HTR4: variants seen among roughly 807,000 people sequenced by gnomAD.
The protein encoded by HTR4 is 5-hydroxytryptamine receptor 4.
A neutral mutation model predicts 36.8 loss-of-function variants in HTR4; 16 were observed. That is an observed-to-expected ratio of 0.43 (90% CI 0.29 to 0.66). The LOEUF (loss-of-function observed/expected upper bound fraction) is 0.66. HTR4 is among the 30% of genes least tolerant of loss of function. The pLI is 0.13. For missense variants in HTR4, 438 were observed against 490.9 expected (o/e 0.89, Z 1.02); for synonymous variants, 189 against 185.1 (o/e 1.02, Z -0.17).
At chr5:148,608,840 G>T (rs1160410169) in intron 2 of HTR4, among the ~76,000 whole-genome samples, 2 of 152,168 alleles carry the variant, frequency 1.3e-5, no homozygotes, top group Non-Finnish European at 2.9e-5. Context: ...AGATGTAAAA[G>T]AATTTCAGAG....
Position 148,482,796 on chromosome 5 carries a change from G to C in HTR4, c.*407C>G, listed in dbSNP as rs1755949761. The C allele has an allele frequency of 9.5e-7, 1 of 1,048,662 alleles. No individual in the cohort carries two copies. The highest frequency in any genetic ancestry group is 1.7e-5 in the African/African-American group (1 of 60,596). The allele number at this position is 1,048,662 out of a possible 1,614,324, so 65.0% of individuals were successfully genotyped here. ...AGGAACAGAGAGGGAGTATTTTGTTGATATCTGGAAGCCCACACAGCAAAG... is the reference window on the plus strand; with the variant it reads ...AGGAACAGAGAGGGAGTATTTTGTTCATATCTGGAAGCCCACACAGCAAAG... On this transcript the variant is annotated 3_prime_UTR_variant, in exon 7 of 7. Coordinates refer to ENST00000377888, the MANE Select transcript of HTR4 (RefSeq NM_000870.7).
At chr5:148,545,735 G>T (rs576966556) in intron 4 of HTR4, among the ~76,000 whole-genome samples, 33 of 152,324 alleles carry the variant, frequency 2.2e-4, no homozygotes, top group African/African-American at 7.5e-4. Flanking sequence ...GCCTGGAGGT[G>T]AGGTTAGGAA....
intron 4 of HTR4, among the ~76,000 whole-genome samples, chr5:148,541,492 T>C (rs1759114012): frequency 6.6e-6 from 1 of 152,206 alleles, no homozygotes; most frequent in South Asian, 2.1e-4. Context: ...CACGATGCTT[T>C]GATTCAATAC....
At chr5:148,638,131 C>T (rs1197188896) in intron 1 of HTR4, among the ~76,000 whole-genome samples, 3 of 152,134 alleles carry the variant, frequency 2.0e-5, no homozygotes, top group African/African-American at 7.2e-5. Context: ...CTGGCAGCCA[C>T]GAAGAGAATG....
intron 2 of HTR4, among the ~76,000 whole-genome samples, chr5:148,561,141 A>G (rs1219790614): frequency 6.6e-6 from 1 of 152,152 alleles, no homozygotes; most frequent in Non-Finnish European, 1.5e-5. Context: ...GTAGTTTTGA[A>G]CTGCAAACAT....
chr5:148,552,482 T>C (rs1398343859), intron 2 of HTR4, among the ~76,000 whole-genome samples: 1 of 152,212 alleles, frequency 6.6e-6, no homozygotes, highest in African/African-American at 2.4e-5. Context: ...TGATGGTGGT[T>C]CTCTTCCCTG....
At chr5:148,625,809 G>A (rs1289009856) in intron 2 of HTR4, among the ~76,000 whole-genome samples, 1 of 151,936 alleles carries the variant, frequency 6.6e-6, no homozygotes, top group Non-Finnish European at 1.5e-5. Flanking sequence ...TTGATCTCTT[G>A]ACCTCGTGAT....
chr5:148,520,474 C>T (rs1561593366), intron 5 of HTR4, among the ~76,000 whole-genome samples: 1 of 152,106 alleles, frequency 6.6e-6, no homozygotes, highest in Non-Finnish European at 1.5e-5. Context: ...AAGATCTTCT[C>T]CATTAGGGAA....
intron 5 of HTR4, among the ~76,000 whole-genome samples, chr5:148,470,194 C>T (rs750535943): frequency 2.0e-5 from 3 of 152,118 alleles, no homozygotes; most frequent in East Asian, 1.9e-4. Context: ...ACAGTGGTAA[C>T]GGTGCTATTA....
intron 5 of HTR4, among the ~76,000 whole-genome samples, chr5:148,460,498 G>A: frequency 6.6e-6 from 1 of 150,730 alleles, no homozygotes; most frequent in Admixed American, 6.6e-5. Context: ...TTAAAGTGTT[G>A]AGAGGAAAAA....
intron 4 of HTR4, among the ~76,000 whole-genome samples, chr5:148,525,356 G>C (rs942785141): frequency 2.6e-5 from 4 of 151,810 alleles, no homozygotes; most frequent in Admixed American, 1.3e-4. Context: ...TTTCCTTCTT[G>C]ATTTCCTGTT....
chr5:148,615,196 C>T (rs1286914926), intron 2 of HTR4, among the ~76,000 whole-genome samples: 1 of 151,920 alleles, frequency 6.6e-6, no homozygotes, highest in African/African-American at 2.4e-5. Context: ...ACCCAAAGGA[C>T]TATAAATCAT....
chr5:148,627,042 T>C (rs1306073562), intron 2 of HTR4, among the ~76,000 whole-genome samples: 1 of 152,176 alleles, frequency 6.6e-6, no homozygotes, highest in African/African-American at 2.4e-5. Context: ...CTACCGGAAA[T>C]GCTACTTCAT....
intron 2 of HTR4, among the ~76,000 whole-genome samples, chr5:148,602,694 T>G (rs190981182): frequency 6.6e-6 from 1 of 152,066 alleles, no homozygotes; most frequent in Non-Finnish European, 1.5e-5. Flanking sequence ...AAATAAGCAA[T>G]GCCAATACTT....
At chr5:148,533,140 G>C (rs188781785) in intron 4 of HTR4, among the ~76,000 whole-genome samples, 1 of 152,320 alleles carries the variant, frequency 6.6e-6, no homozygotes, top group Non-Finnish European at 1.5e-5. Context: ...AAAAGTAATT[G>C]TCTCATCTCA....
chr5:148,528,548 A>C (rs1394015130), intron 4 of HTR4, among the ~76,000 whole-genome samples: 2 of 152,194 alleles, frequency 1.3e-5, no homozygotes, highest in African/African-American at 4.8e-5. Flanking sequence ...TAGGTGAAAA[A>C]AAAATCACTG....
At chr5:148,631,357 A>G (rs941608494) in intron 2 of HTR4, among the ~76,000 whole-genome samples, 4 of 152,172 alleles carry the variant, frequency 2.6e-5, no homozygotes, top group African/African-American at 9.7e-5. Flanking sequence ...AACGAATGTC[A>G]CAATTTCCGA....
At chr5:148,480,935 A>G (rs1369949585), downstream of HTR4, among the ~76,000 whole-genome samples, 1 of 152,240 alleles carries the variant, frequency 6.6e-6, no homozygotes, top group African/African-American at 2.4e-5. Context: ...ATTATCTTAT[A>G]TCTCCACAAC....
intron 1 of HTR4, among the ~76,000 whole-genome samples, chr5:148,643,680 C>G (rs1029913591): frequency 1.2e-4 from 18 of 152,052 alleles, no homozygotes; most frequent in Non-Finnish European, 2.1e-4. Flanking sequence ...TGAAAGTTCT[C>G]CTTGATAATT....
Sources: gnomAD v4.1 joint callset for allele counts (sites outside exome capture counted in the v4.1 genomes callset) on GRCh38, gnomAD v4.1.1 for gene constraint, MANE v1.5 for transcripts, NCBI Gene and HGNC (gene_info 2026-07-23, HGNC 2026-07-21) for gene names.